NRCAM: variants seen among roughly 807,000 people sequenced by gnomAD.
The protein encoded by NRCAM is NgCAM-related cell adhesion molecule.
In NRCAM, 83 loss-of-function variants were observed where a neutral mutation model predicts 156.5. The ratio of observed to expected loss-of-function variants is 0.53; its 90% confidence interval spans 0.44 to 0.64. The LOEUF is 0.64. NRCAM is among the 30% of genes least tolerant of loss of function. NRCAM has a pLI of 0.00. For missense variants in NRCAM, 1,417 were observed against 1,597.3 expected (o/e 0.89, Z 1.92); for synonymous variants, 538 against 563.9 (o/e 0.95, Z 0.65).
chr7:108,323,787 A>AGT (rs1483784643), intron 2 of NRCAM, among the ~76,000 whole-genome samples: 2 of 152,086 alleles, frequency 1.3e-5, no homozygotes, highest in Non-Finnish European at 2.9e-5. Flanking sequence ...GAGAAAATAG[A>AGT]GTGTGAAGAT....
intron 1 of NRCAM, among the ~76,000 whole-genome samples, chr7:108,444,540 G>A (rs1287561945): frequency 1.3e-5 from 2 of 152,092 alleles, no homozygotes; most frequent in Non-Finnish European, 2.9e-5. Flanking sequence ...GTGTCCGCAG[G>A]GTTGGTCCCT....
chr7:108,175,217 G>C, intron 28 of NRCAM, 105 bp downstream of exon 28: 1 of 772,662 alleles, frequency 1.3e-6, no homozygotes, highest in Non-Finnish European at 2.0e-6. Context: ...CTCTTCTTTT[G>C]GTGGTTCAAA....
intron 1 of NRCAM, among the ~76,000 whole-genome samples, chr7:108,421,640 C>A (rs1810017060): frequency 6.6e-6 from 1 of 152,126 alleles, no homozygotes; most frequent in African/African-American, 2.4e-5. Flanking sequence ...GATGTCAATT[C>A]TGTTTATTAA....
At chr7:108,359,583 C>T (rs1201453848) in intron 2 of NRCAM, among the ~76,000 whole-genome samples, 3 of 151,912 alleles carry the variant, frequency 2.0e-5, no homozygotes, top group East Asian at 1.9e-4. Flanking sequence ...GGCATAGAAG[C>T]GAAATAACAA....
At chr7:108,444,082 A>T (rs1188178406) in intron 1 of NRCAM, among the ~76,000 whole-genome samples, 1 of 152,072 alleles carries the variant, frequency 6.6e-6, no homozygotes, top group African/African-American at 2.4e-5. Context: ...ATAAATAAAT[A>T]AATAAAACAA....
chr7:108,289,011 T>C (rs1348212998), intron 3 of NRCAM, among the ~76,000 whole-genome samples: 2 of 152,050 alleles, frequency 1.3e-5, no homozygotes, highest in African/African-American at 4.8e-5. Context: ...AGCACATGAA[T>C]TGAACGGGGC....
At chr7:108,268,918 A>G (rs2097223703) in intron 3 of NRCAM, among the ~76,000 whole-genome samples, 1 of 152,190 alleles carries the variant, frequency 6.6e-6, no homozygotes, top group Admixed American at 6.5e-5. Context: ...ACAAATATTA[A>G]CTTCTTTTAA....
intron 15 of NRCAM, 21 bp from the exon 16 acceptor site, chr7:108,194,449 C>T (rs187506684): frequency 2.0e-6 from 3 of 1,529,832 alleles, no homozygotes; most frequent in African/African-American, 2.8e-5. Flanking sequence ...GAAATTATCA[C>T]AATGAGAATA....
At position 108,368,228 on chromosome 7, in the gene NRCAM, C is replaced by CT. The variant is rs1172443803; in HGVS notation, c.-174+31207_-174+31208insA. Among the ~76,000 whole-genome samples, 4 of 98,198 alleles carry CT rather than the reference C, an allele frequency of 4.1e-5. 1 individual carries two copies. The highest frequency in any genetic ancestry group is 8.3e-5 in the Non-Finnish European group (4 of 48,306). 64.4% of individuals were successfully genotyped at this position (98,198 alleles called of 152,430 possible). On this transcript the variant is annotated intron_variant, in intron 2 of 32. Transcript: ENST00000379028. ...CACGTGGAATCACACTTTCATACCCCCCCCCACCCCCCCGCCTGCTCACTA... is the reference window on the plus strand; with the variant it reads ...CACGTGGAATCACACTTTCATACCCCTCCCCCACCCCCCCGCCTGCTCACTA...
chr7:108,368,482 A>C (rs1263497515), intron 2 of NRCAM, among the ~76,000 whole-genome samples: 1 of 152,142 alleles, frequency 6.6e-6, no homozygotes, highest in Non-Finnish European at 1.5e-5. Context: ...ATTTTAGGGG[A>C]ATAGATGAAC....
chr7:108,298,570 G>A lies in NRCAM; in HGVS notation c.-107+14095C>T, dbSNP rs558741767. Among the ~76,000 whole-genome samples the A allele has an allele frequency of 5.6e-3, 852 of 151,276 alleles. 4 individuals carry two copies. The highest frequency in any genetic ancestry group is 0.01 in the Middle Eastern group (3 of 292). On this transcript the variant is annotated intron_variant, in intron 3 of 32. Transcript: ENST00000379028. ...CAGGAGGCTGAGGCAGGAGAATGGC[G>A]TGAACCCGGGAGGCAGACCTTGCAG...
intron 28 of NRCAM, 86 bp from the exon 29 acceptor site, chr7:108,168,488 T>C (rs2056347575): frequency 8.5e-7 from 1 of 1,178,768 alleles, no homozygotes; most frequent in Non-Finnish European, 1.1e-6. Flanking sequence ...TACTCTGAAA[T>C]TGTGCAAATA....
At chr7:108,389,095 G>T (rs1053590959) in intron 2 of NRCAM, among the ~76,000 whole-genome samples, 1 of 152,124 alleles carries the variant, frequency 6.6e-6, no homozygotes, top group African/African-American at 2.4e-5. Context: ...ATTCTGTGAA[G>T]AAAGTCATTG....
intron 1 of NRCAM, among the ~76,000 whole-genome samples, chr7:108,407,779 T>C (rs919996923): frequency 1.3e-5 from 2 of 152,252 alleles, no homozygotes; most frequent in African/African-American, 4.8e-5. Flanking sequence ...ACTATCTTGA[T>C]TGTGTTGATG....
chr7:108,329,792 C>T (rs2099108122), intron 2 of NRCAM, among the ~76,000 whole-genome samples: 1 of 152,134 alleles, frequency 6.6e-6, no homozygotes, highest in South Asian at 2.1e-4. Flanking sequence ...CAAGTAGAGA[C>T]ATCAGAGAAT....
Position 108,149,738 on chromosome 7 carries a change from T to C in NRCAM, c.*172A>G, listed in dbSNP as rs2150803412. 9.6e-6 allele frequency: 6 copies of C among 625,554 alleles called. No homozygotes were observed. The highest frequency in any genetic ancestry group is 1.4e-5 in the Non-Finnish European group (5 of 357,468). 38.8% of individuals were successfully genotyped at this position (625,554 alleles called of 1,614,324 possible). On this transcript the variant is annotated 3_prime_UTR_variant, in exon 33 of 33. Transcript: ENST00000379028. ...AGTATGCACTTTGCATTCCAGTTCATATTAACATATCATTTGACTGAGTTA... is the reference window on the plus strand; with the variant it reads ...AGTATGCACTTTGCATTCCAGTTCACATTAACATATCATTTGACTGAGTTA...
chr7:108,306,831 GTCTAATGGGCAATCCATTTACACA>G (rs1314078110), intron 3 of NRCAM, among the ~76,000 whole-genome samples: 4 of 152,192 alleles, frequency 2.6e-5, no homozygotes, highest in African/African-American at 9.7e-5. Flanking sequence ...TGTACCAAGT[GTCTAATGGGCAATCCATTTACACA>G]TCTCTTCCCA....
chr7:108,249,717 T>C (rs543321390), intron 3 of NRCAM, among the ~76,000 whole-genome samples: 122 of 152,350 alleles, frequency 8.0e-4, no homozygotes, highest in African/African-American at 2.7e-3. Flanking sequence ...TACTGTGAGA[T>C]TTAATCAACC....
At chr7:108,198,458 G>A (rs745406733) in intron 13 of NRCAM, among the ~76,000 whole-genome samples, 19 of 151,846 alleles carry the variant, frequency 1.3e-4, no homozygotes, top group Non-Finnish European at 1.8e-4. Context: ...TGTTACATAT[G>A]TATACATGTG....
Sources: gnomAD v4.1 joint callset for allele counts (sites outside exome capture counted in the v4.1 genomes callset) on GRCh38, gnomAD v4.1.1 for gene constraint, MANE v1.5 for transcripts, NCBI Gene and HGNC (gene_info 2026-07-23, HGNC 2026-07-21) for gene names.